The following LIN52 variants were observed in gnomAD, a reference collection of about 807,000 sequenced individuals.
LIN52 encodes the protein lin-52 DREAM MuvB core complex component, also known as protein lin-52 homolog.
LIN52 carries 4 observed loss-of-function variants against 18.5 expected under a neutral mutation model. That is an observed-to-expected ratio of 0.22 (90% CI 0.11 to 0.49). The LOEUF (loss-of-function observed/expected upper bound fraction) is 0.49, where lower values mean the gene tolerates loss of function less well. LIN52 is among the 20% of genes least tolerant of loss of function. The pLI is 0.97. For synonymous variants in LIN52, 34 were observed against 45.5 expected (o/e 0.75, Z 1.02); for missense variants, 102 against 139.5 (o/e 0.73, Z 1.35).
At position 74,100,574 on chromosome 14, in the gene LIN52, C is replaced by A. The variant is rs2300196; in HGVS notation, c.200-581C>A. ...GTCTGCAACCTTTGCCTCCTAGGTT[C>A]AAGTGATTCTCCTGTTTCAGCCTTC... On this transcript the variant is annotated intron_variant, in intron 4 of 5. Transcript: ENST00000555028. Among the ~76,000 whole-genome samples the A allele has an allele frequency of 1.5e-4, 23 of 152,282 alleles. No individual in the cohort carries two copies. In the East Asian group the frequency reaches 4.2e-3, roughly 28 times the overall value.
At chr14:74,091,173 G>A in intron 1 of LIN52, 59 bp from the exon 2 acceptor site, 7 of 1,213,956 alleles carry the variant, frequency 5.8e-6, no homozygotes, top group South Asian at 1.3e-5. Context: ...TGAGATTGAA[G>A]TATCATATAC....
At chr14:74,109,086 G>A (rs2060912820) in intron 5 of LIN52, among the ~76,000 whole-genome samples, 1 of 152,136 alleles carries the variant, frequency 6.6e-6, no homozygotes, top group African/African-American at 2.4e-5. Context: ...GTGTGAGATA[G>A]GGATCTAAAT....
At chr14:74,190,675 A>C (rs1057073756) in intron 5 of LIN52, among the ~76,000 whole-genome samples, 2 of 152,156 alleles carry the variant, frequency 1.3e-5, no homozygotes, top group African/African-American at 4.8e-5. Context: ...TATAGATCTG[A>C]GCCACCATGC....
chr14:74,133,309 T>G (rs974864639), intron 5 of LIN52, among the ~76,000 whole-genome samples: 3 of 152,246 alleles, frequency 2.0e-5, no homozygotes, highest in African/African-American at 7.2e-5. Context: ...AATGTTCCTT[T>G]TTTCCCTTCC....
chr14:74,128,490 C>G (rs2061040539), intron 5 of LIN52, among the ~76,000 whole-genome samples: 1 of 152,204 alleles, frequency 6.6e-6, no homozygotes, highest in Admixed American at 6.5e-5. Context: ...CCTACTCCCA[C>G]TGGACTGGAG....
intron 5 of LIN52, among the ~76,000 whole-genome samples, chr14:74,179,820 C>G (rs528046950): frequency 6.6e-6 from 1 of 152,202 alleles, no homozygotes; most frequent in African/African-American, 2.4e-5. Flanking sequence ...AGCCTGCCTC[C>G]TCTGTTAGTA....
chr14:74,113,422 C>G (rs1021435673), intron 5 of LIN52, among the ~76,000 whole-genome samples: 2 of 151,662 alleles, frequency 1.3e-5, no homozygotes, highest in Admixed American at 1.3e-4. Context: ...AGAAAGAAAA[C>G]CTTAAAGAAC....
intron 5 of LIN52, among the ~76,000 whole-genome samples, chr14:74,102,907 G>A (rs558594395): frequency 2.6e-5 from 4 of 152,180 alleles, no homozygotes; most frequent in African/African-American, 9.6e-5. Flanking sequence ...TAGAGTGAAC[G>A]GAATAATGAC....
intron 5 of LIN52, among the ~76,000 whole-genome samples, chr14:74,142,277 A>G (rs1191404822): frequency 6.6e-6 from 1 of 152,216 alleles, no homozygotes; most frequent in Non-Finnish European, 1.5e-5. Context: ...GAGATGTCAT[A>G]CTACTAAATT....
intron 5 of LIN52, among the ~76,000 whole-genome samples, chr14:74,186,258 C>T (rs1210116180): frequency 6.6e-6 from 1 of 152,014 alleles, no homozygotes; most frequent in Non-Finnish European, 1.5e-5. Context: ...TGCCACTGCA[C>T]TCCAGCCTGG....
At chr14:74,190,579 A>C (rs2061359483) in intron 5 of LIN52, among the ~76,000 whole-genome samples, 2 of 151,676 alleles carry the variant, frequency 1.3e-5, no homozygotes, top group Non-Finnish European at 2.9e-5. Flanking sequence ...TTTACTAGAG[A>C]TGGGGTTCCA....
rs942834827 is a variant in LIN52, at chr14:74,170,030, G to A, written c.284-28892G>A. The stretch of plus-strand genomic sequence containing the variant: ...ATGGACATCAGCAGTACTGGAATAC[G>A]AAAGAGGGGAGGAGTGATGGGCCTG... On this transcript the variant is annotated intron_variant, in intron 5 of 5. Coordinates refer to ENST00000555028, the MANE Select transcript of LIN52 (RefSeq NM_001024674.3). Among the ~76,000 whole-genome samples the A allele has an allele frequency of 1.7e-4, 26 of 152,194 alleles. 1 individual carries two copies. Among genetic ancestry groups the A allele is most frequent in the Admixed American group, 1.0e-3 (16 of 15,280 alleles).
intron 5 of LIN52, among the ~76,000 whole-genome samples, chr14:74,153,151 T>C (rs1383688651): frequency 6.6e-6 from 1 of 152,144 alleles, no homozygotes; most frequent in Non-Finnish European, 1.5e-5. Flanking sequence ...GAGCCTACAT[T>C]TTATCATTAC....
chr14:74,150,387 T>A (rs1412980093), intron 5 of LIN52, among the ~76,000 whole-genome samples: 1 of 152,142 alleles, frequency 6.6e-6, no homozygotes, highest in Non-Finnish European at 1.5e-5. Context: ...CATGAATGAA[T>A]CTCAAGAATA....
intron 5 of LIN52, among the ~76,000 whole-genome samples, chr14:74,163,501 CA>C (rs1403636329): frequency 1.3e-5 from 2 of 152,004 alleles, no homozygotes; most frequent in Middle Eastern, 3.2e-3. Flanking sequence ...GGGGGGATGA[CA>C]AAACAGTTAT....
chr14:74,186,396 A>G (rs918323532), intron 5 of LIN52, among the ~76,000 whole-genome samples: 2 of 152,126 alleles, frequency 1.3e-5, no homozygotes, highest in African/African-American at 2.4e-5. Flanking sequence ...CACCTACCAT[A>G]TGCTTGGTAT....
intron 5 of LIN52, among the ~76,000 whole-genome samples, chr14:74,110,418 C>T (rs1271227761): frequency 6.6e-6 from 1 of 152,202 alleles, no homozygotes; most frequent in Non-Finnish European, 1.5e-5. Context: ...GTGGCTCACG[C>T]TTGTAATCCT....
intron 5 of LIN52, among the ~76,000 whole-genome samples, chr14:74,193,725 C>T (rs1010185866): frequency 6.6e-6 from 1 of 152,014 alleles, no homozygotes; most frequent in African/African-American, 2.4e-5. Flanking sequence ...GAAAGGAGCT[C>T]AGAAAAATAA....
At chr14:74,195,559 T>C (rs2078907205) in intron 5 of LIN52, among the ~76,000 whole-genome samples, 1 of 150,346 alleles carries the variant, frequency 6.7e-6, no homozygotes, top group African/African-American at 2.5e-5. Flanking sequence ...TGTGTGTATG[T>C]GTGTGTGTGT....
Sources: gnomAD v4.1 joint callset for allele counts (sites outside exome capture counted in the v4.1 genomes callset) on GRCh38, gnomAD v4.1.1 for gene constraint, MANE v1.5 for transcripts, NCBI Gene and HGNC (gene_info 2026-07-23, HGNC 2026-07-21) for gene names.